The following LTBP1 variants were observed in gnomAD, a reference collection of about 807,000 sequenced individuals.
The protein encoded by LTBP1 is latent transforming growth factor beta binding protein 1, also known as latent-transforming growth factor beta-binding protein 1.
Under a neutral mutation model 207.6 loss-of-function variants are expected in LTBP1, and 129 were observed. The observed-to-expected ratio is 0.62, with a 90% CI of 0.54 to 0.72. The LOEUF (loss-of-function observed/expected upper bound fraction) is 0.72, where lower values mean the gene tolerates loss of function less well. LTBP1 is among the 30% of genes least tolerant of loss of function. LTBP1 has a pLI of 0.00. For missense variants in LTBP1, 2,281 were observed against 2,217.2 expected (o/e 1.03, Z -0.58); for synonymous variants, 963 against 833.7 (o/e 1.16, Z -2.67).
intron 31 of LTBP1, among the ~76,000 whole-genome samples, chr2:33,368,880 T>C (rs1191676733): frequency 2.0e-5 from 3 of 152,248 alleles, no homozygotes; most frequent in Admixed American, 6.5e-5. Flanking sequence ...CTGTCTCAAA[T>C]AGATAAATAA....
chr2:32,954,512 G>T (rs150657), intron 2 of LTBP1, among the ~76,000 whole-genome samples: 70,184 of 149,098 alleles, frequency 0.47, 16,960 homozygotes, highest in Admixed American at 0.54. Context: ...TTTTTATAAG[G>T]ACATCAGTCA....
chr2:32,977,602 T>C (rs1682013353), intron 2 of LTBP1, among the ~76,000 whole-genome samples: 1 of 152,234 alleles, frequency 6.6e-6, no homozygotes, highest in African/African-American at 2.4e-5. Context: ...CAGGTGGCTC[T>C]CTGCTTCAGT....
intron 22 of LTBP1, among the ~76,000 whole-genome samples, chr2:33,306,883 A>C (rs1203400046): frequency 6.6e-6 from 1 of 152,016 alleles, no homozygotes; most frequent in South Asian, 2.1e-4. Context: ...AGGTCAAGGG[A>C]TCGAGACCGT....
At chr2:33,059,355 T>C (rs927206575) in intron 3 of LTBP1, among the ~76,000 whole-genome samples, 1 of 152,180 alleles carries the variant, frequency 6.6e-6, no homozygotes, top group Non-Finnish European at 1.5e-5. Context: ...AAAGAAGAGA[T>C]ATTTCAGCCT....
intron 23 of LTBP1, among the ~76,000 whole-genome samples, chr2:33,312,505 T>C (rs1028341809): frequency 1.3e-5 from 2 of 152,220 alleles, no homozygotes; most frequent in Non-Finnish European, 2.9e-5. Flanking sequence ...TGCCAAATTA[T>C]GAATTTCTGT....
chr2:33,244,097 T>C (rs796888229), intron 10 of LTBP1, among the ~76,000 whole-genome samples: 27 of 152,358 alleles, frequency 1.8e-4, no homozygotes, highest in African/African-American at 6.5e-4. Context: ...CAAACTTTTT[T>C]GGTACCTGAG....
chr2:32,995,552 C>T (rs1685130154), intron 2 of LTBP1, among the ~76,000 whole-genome samples: 1 of 152,064 alleles, frequency 6.6e-6, no homozygotes, highest in Admixed American at 6.6e-5. Context: ...GAGGCCGAGG[C>T]AGGCGGATCA....
intron 31 of LTBP1, among the ~76,000 whole-genome samples, chr2:33,367,404 G>A (rs1049515754): frequency 6.6e-6 from 1 of 152,106 alleles, no homozygotes; most frequent in Non-Finnish European, 1.5e-5. Flanking sequence ...TTACCTGCAA[G>A]TATTCCATAG....
intron 5 of LTBP1, among the ~76,000 whole-genome samples, chr2:33,145,622 T>C (rs931228430): frequency 6.6e-6 from 1 of 152,236 alleles, no homozygotes; most frequent in Non-Finnish European, 1.5e-5. Flanking sequence ...CCTCTGGATC[T>C]TCTTGTATTA....
rs371068444 is a variant in LTBP1 at position 33,275,797 on chromosome 2, G to C, written c.2870-4G>C. 4 of 1,613,912 alleles carry C rather than the reference G, an allele frequency of 2.5e-6. No individual in the cohort carries two copies. Among genetic ancestry groups the C allele is most frequent in the South Asian group, 1.1e-5 (1 of 91,084 alleles). On this transcript the variant is annotated splice_region_variant and splice_polypyrimidine_tract_variant and intron_variant, in intron 17 of 33. Coordinates refer to ENST00000404816, the MANE Select transcript of LTBP1 (RefSeq NM_206943.4). ...AACTCAACAATGCTATCTGCTCTTCGTAGATGTTGACGAATGCCTGAGGCC... is the reference window on the plus strand; with the variant it reads ...AACTCAACAATGCTATCTGCTCTTCCTAGATGTTGACGAATGCCTGAGGCC...
chr2:33,328,635 A>G (rs12465738), intron 24 of LTBP1, among the ~76,000 whole-genome samples: 24,010 of 152,094 alleles, frequency 0.16, 3,776 homozygotes, highest in African/African-American at 0.4. Flanking sequence ...ACAGCATTGG[A>G]GAAACCGCTC....
In LTBP1 at chr2:33,139,238, T is replaced by C. The variant is rs553302268; in HGVS notation, c.1201+4278T>C. Among the ~76,000 whole-genome samples the C allele has an allele frequency of 3.3e-5, 5 of 152,300 alleles. No homozygotes were observed. In the South Asian group the frequency reaches 1.0e-3, roughly 32 times the overall value. On this transcript the variant is annotated intron_variant, in intron 5 of 33. Coordinates refer to ENST00000404816, the MANE Select transcript of LTBP1 (RefSeq NM_206943.4). Reference sequence around the variant, plus strand: ...TGGTACTATCCATAATTGGCAAATATGAGCCCTGTTGCTTTACTGGCTTCA... The same window carrying C: ...TGGTACTATCCATAATTGGCAAATACGAGCCCTGTTGCTTTACTGGCTTCA...
intron 4 of LTBP1, among the ~76,000 whole-genome samples, chr2:33,121,409 G>C (rs1366182967): frequency 6.6e-6 from 1 of 152,158 alleles, no homozygotes; most frequent in African/African-American, 2.4e-5. Context: ...CATCCGGAGA[G>C]CAGGTGAAAG....
rs1200309137 is a variant in LTBP1, at chr2:33,257,361, C to A, written c.2245C>A (p.His749Asn). ...GVHRRRPIHH[H>N]VGKGPVFVKP... ...TCATAGACGCAGGCCAATCCATCACCATGTAGGTAAAGGACCTGTATTTGT... is the reference window on the plus strand; with the variant it reads ...TCATAGACGCAGGCCAATCCATCACAATGTAGGTAAAGGACCTGTATTTGT... The change falls in exon 12 of 34, where the codon CAT becomes AAT. Residue 749 changes from histidine (H) to asparagine (N), a missense_variant. By Grantham distance (68) the His-to-Asn change is moderately conservative. Coordinates refer to ENST00000404816, the MANE Select transcript of LTBP1 (RefSeq NM_206943.4). 1 of 1,614,052 alleles carries A rather than the reference C, an allele frequency of 6.2e-7. No individual in the cohort carries two copies. Among genetic ancestry groups the A allele is most frequent in the Admixed American group, 1.7e-5 (1 of 59,994 alleles).
chr2:33,242,353 C>G (rs1407585273), intron 9 of LTBP1, among the ~76,000 whole-genome samples: 2 of 152,202 alleles, frequency 1.3e-5, no homozygotes, highest in African/African-American at 4.8e-5. Context: ...TATCTCTCCT[C>G]TTTCAAATCG....
chr2:33,249,941 C>T (rs1320879975), intron 10 of LTBP1, among the ~76,000 whole-genome samples: 4 of 152,120 alleles, frequency 2.6e-5, no homozygotes, highest in Non-Finnish European at 5.9e-5. Context: ...AACCTTATGA[C>T]TCAGTAGAAT....
At chr2:32,973,395 C>T (rs1681215939) in intron 2 of LTBP1, among the ~76,000 whole-genome samples, 1 of 152,026 alleles carries the variant, frequency 6.6e-6, no homozygotes, top group Non-Finnish European at 1.5e-5. Flanking sequence ...GTATGTAATG[C>T]TCTTTTGTGT....
intron 5 of LTBP1, among the ~76,000 whole-genome samples, chr2:33,159,020 T>G (rs1462893540): frequency 6.6e-6 from 1 of 152,206 alleles, no homozygotes; most frequent in Non-Finnish European, 1.5e-5. Context: ...CTATCGTGAT[T>G]CTGTGTCTCA....
intron 3 of LTBP1, among the ~76,000 whole-genome samples, chr2:33,047,023 T>C (rs219198): frequency 0.58 from 88,415 of 151,928 alleles, 27,738 homozygotes; most frequent in East Asian, 0.98. Flanking sequence ...ATTAGTGTGG[T>C]TAGTTGTATA....
Sources: gnomAD v4.1 joint callset for allele counts (sites outside exome capture counted in the v4.1 genomes callset) on GRCh38, gnomAD v4.1.1 for gene constraint, MANE v1.5 for transcripts, NCBI Gene and HGNC (gene_info 2026-07-23, HGNC 2026-07-21) for gene names.